DHRS4L2: variants seen among roughly 807,000 people sequenced by gnomAD.
DHRS4L2 encodes dehydrogenase/reductase SDR family member 4-like 2.
In DHRS4L2, 22 loss-of-function variants were observed where a neutral mutation model predicts 23.9. That is an observed-to-expected ratio of 0.92 (90% confidence interval 0.66 to 1.31). The LOEUF (loss-of-function observed/expected upper bound fraction) is 1.31, where lower values mean the gene tolerates loss of function less well. Ranked by LOEUF, DHRS4L2 falls within the 40% of genes most tolerant of loss-of-function variation. The pLI, the probability that DHRS4L2 is intolerant of heterozygous loss-of-function variation, is 0.00. For missense variants in DHRS4L2, 385 were observed against 303.3 expected (o/e 1.27, Z -2.00); for synonymous variants, 141 against 123.7 (o/e 1.14, Z -0.93).
At chr14:23,988,870 CG>C, upstream of DHRS4L2, 1 of 1,543,006 alleles carries the variant, frequency 6.5e-7, no homozygotes. Context: ...GGAAGCGGCC[CG>C]CCCTTCGTCC....
At chr14:23,996,281 A>G (rs1318307774) in intron 3 of DHRS4L2, among the ~76,000 whole-genome samples, 8 of 151,424 alleles carry the variant, frequency 5.3e-5, no homozygotes, top group Non-Finnish European at 8.8e-5. Context: ...AAACTTACCA[A>G]CTATATCAGG....
At chr14:23,994,054 C>T (rs1446811772) in intron 2 of DHRS4L2, among the ~76,000 whole-genome samples, 1 of 151,744 alleles carries the variant, frequency 6.6e-6, no homozygotes, top group Non-Finnish European at 1.5e-5. Flanking sequence ...AGAAAATTCT[C>T]TGAACCTGTT....
chr14:23,974,303 T>A (rs1177805156), intron 1 of DHRS4L2, among the ~76,000 whole-genome samples: 5 of 151,206 alleles, frequency 3.3e-5, no homozygotes, highest in African/African-American at 1.2e-4. Flanking sequence ...GCAGGAAAGA[T>A]CTAAAATCAA....
At chr14:23,984,805 CAAAAAA>C (rs568852943), upstream of DHRS4L2, among the ~76,000 whole-genome samples, 8 of 67,462 alleles carry the variant, frequency 1.2e-4, no homozygotes, top group South Asian at 5.8e-4. Context: ...GATGCCATCT[CAAAAAA>C]AAAAAAAAAA....
intron 1 of DHRS4L2, 79 bp downstream of exon 1, chr14:23,989,154 C>T (rs2034212709): frequency 6.5e-7 from 1 of 1,529,066 alleles, no homozygotes; most frequent in Non-Finnish European, 8.8e-7. Flanking sequence ...GCCTCCAGTG[C>T]CCCTGTCCTC....
upstream of DHRS4L2, among the ~76,000 whole-genome samples, chr14:23,984,805 CAAAA>C (rs568852943): frequency 1.5e-5 from 1 of 67,460 alleles, no homozygotes; most frequent in African/African-American, 5.6e-5. Context: ...GATGCCATCT[CAAAA>C]AAAAAAAAAA....
Position 23,990,120 on chromosome 14 carries a change from C to T in DHRS4L2, c.129-62C>T, listed in dbSNP as rs1037106342. The stretch of plus-strand genomic sequence containing the variant: ...ACCCGGGCAGTCTTAACTTCAGAGC[C>T]CATGCTGTCGACCTCTTCCCCTGCA... On this transcript the variant is annotated intron_variant, in intron 1 of 7. Coordinates refer to ENST00000335125, the MANE Select transcript of DHRS4L2 (RefSeq NM_198083.4). 2.3e-4 allele frequency: 364 copies of T among 1,597,068 alleles called. 12 individuals carry two copies. In the Admixed American group the frequency reaches 6.2e-3, roughly 27 times the overall value.
At position 23,976,418 on chromosome 14, in the gene DHRS4L2, A is replaced by G. The variant is rs994270301; in HGVS notation, c.-176+6086A>G. 3.3e-5 allele frequency among the ~76,000 whole-genome samples: 5 copies of G among 151,856 alleles called. 1 individual carries two copies. The highest frequency in any genetic ancestry group is 5.9e-5 in the Non-Finnish European group (4 of 67,936). ...AACCACAATGAGATACCATCTCACAACACTTAGAATGGCAACATTAAAAAG... is the reference window on the plus strand; with the variant it reads ...AACCACAATGAGATACCATCTCACAGCACTTAGAATGGCAACATTAAAAAG... On this transcript the variant is annotated intron_variant, in intron 1 of 5. Coordinates refer to the DHRS4L2 transcript ENST00000534993.
At chr14:23,988,122 TAA>T (rs1762351361), upstream of DHRS4L2, among the ~76,000 whole-genome samples, 1 of 151,148 alleles carries the variant, frequency 6.6e-6, no homozygotes, top group African/African-American at 2.4e-5. Context: ...TTACAGTTCA[TAA>T]AGAGATTTTG....
At chr14:23,977,953 A>C (rs2138512712) in intron 1 of DHRS4L2, among the ~76,000 whole-genome samples, 1 of 151,402 alleles carries the variant, frequency 6.6e-6, no homozygotes, top group Admixed American at 6.6e-5. Flanking sequence ...TTTGCTAAAC[A>C]CTCCTCTCTC....
chr14:24,001,051 C>T lies in DHRS4L2; in HGVS notation c.498C>T (p.Ile166=), dbSNP rs141120035. ...MEKRGGGSVV[I]VSSIAAFSPS... ...TTTCCAGAGGCGGCTCAGTGGTGATCGTGTCTTCCATAGCAGCCTTCAGTC... is the reference window on the plus strand; with the variant it reads ...TTTCCAGAGGCGGCTCAGTGGTGATTGTGTCTTCCATAGCAGCCTTCAGTC... The change falls in exon 5 of 8, where the codon ATC becomes ATT. Residue 166 remains isoleucine, a synonymous_variant. Coordinates refer to ENST00000335125, the MANE Select transcript of DHRS4L2 (RefSeq NM_198083.4). 3.6e-5 allele frequency: 58 copies of T among 1,611,216 alleles called. 1 individual carries two copies. The African/African-American group carries it at 5.7e-4, about 16-fold the overall frequency.
At position 23,977,825 on chromosome 14, in the gene DHRS4L2, A is replaced by C. The variant is rs567491410; in HGVS notation, c.-176+7493A>C. On this transcript the variant is annotated intron_variant, in intron 1 of 5. Transcript: ENST00000534993. ...TGCTTAGACCAGATGACAAAAACCC[A>C]CAATTATTGCACCCTCTAAAAAACA... Among the ~76,000 whole-genome samples the C allele has an allele frequency of 2.6e-3, 402 of 151,730 alleles. 19 individuals carry two copies. The highest frequency in any genetic ancestry group is 9.4e-3 in the African/African-American group (386 of 41,210).
upstream of DHRS4L2, chr14:23,988,843 G>C: frequency 6.9e-7 from 1 of 1,457,534 alleles, no homozygotes; most frequent in African/African-American, 1.4e-5. Flanking sequence ...GGCCGAGGGC[G>C]GGAAGGGGGC....
At chr14:23,988,784 CG>C, upstream of DHRS4L2, 1 of 1,402,836 alleles carries the variant, frequency 7.1e-7, no homozygotes, top group African/African-American at 1.5e-5. Flanking sequence ...CGGGGCGGGG[CG>C]ACTGGCGGGC....
intron 3 of DHRS4L2, among the ~76,000 whole-genome samples, chr14:23,995,608 T>C (rs1039679820): frequency 6.6e-6 from 1 of 151,768 alleles, no homozygotes; most frequent in African/African-American, 2.4e-5. Flanking sequence ...ATACATCCTT[T>C]AAAAAAATAA....
At chr14:24,005,525 C>T (rs2034554938) in intron 7 of DHRS4L2, among the ~76,000 whole-genome samples, 4 of 152,084 alleles carry the variant, frequency 2.6e-5, no homozygotes. Flanking sequence ...GTCACACAGA[C>T]TCCCTGATAC....
chr14:23,974,101 A>C (rs966460878), intron 1 of DHRS4L2, among the ~76,000 whole-genome samples: 3 of 151,844 alleles, frequency 2.0e-5, no homozygotes, highest in African/African-American at 7.3e-5. Flanking sequence ...AACTCACTCA[A>C]AACTGCACAA....
intron 1 of DHRS4L2, among the ~76,000 whole-genome samples, chr14:23,975,879 G>A (rs1331155284): frequency 6.6e-6 from 1 of 151,630 alleles, no homozygotes; most frequent in Non-Finnish European, 1.5e-5. Context: ...TTTAATAAAT[G>A]GTGCTGGGAA....
upstream of DHRS4L2, among the ~76,000 whole-genome samples, chr14:23,986,510 A>T (rs2034142918): frequency 1.5e-5 from 2 of 135,994 alleles, no homozygotes; most frequent in African/African-American, 5.3e-5. Context: ...AGTATAATAA[A>T]AAAAAAAAAA....
Sources: gnomAD v4.1 joint callset for allele counts (sites outside exome capture counted in the v4.1 genomes callset) on GRCh38, gnomAD v4.1.1 for gene constraint, MANE v1.5 for transcripts, NCBI Gene and HGNC (gene_info 2026-07-23, HGNC 2026-07-21) for gene names.